The following PTPRT variants were observed in gnomAD, a reference collection of about 807,000 sequenced individuals.
The protein encoded by PTPRT is protein tyrosine phosphatase receptor type T.
In PTPRT, 56 loss-of-function variants were observed where a neutral mutation model predicts 176.8. The ratio of observed to expected loss-of-function variants is 0.32; its 90% CI spans 0.26 to 0.40. PTPRT has a LOEUF of 0.40. PTPRT is among the 10% of genes least tolerant of loss of function. The probability of loss-of-function intolerance (pLI) is 1.00; values close to 1 mark genes in which losing one functional copy is unlikely to be tolerated. For synonymous variants in PTPRT, 783 were observed against 739.0 expected, an observed-to-expected ratio of 1.06 and a Z score of -0.96; for missense variants, 1,540 against 1,908.2, an observed-to-expected ratio of 0.81 and a Z score of 3.60.
intron 1 of PTPRT, among the ~76,000 whole-genome samples, chr20:43,017,374 C>T (rs115087796): frequency 3.7e-4 from 56 of 152,260 alleles, no homozygotes; most frequent in African/African-American, 1.3e-3. Flanking sequence ...TTTACCCTCA[C>T]CCTCCTTCTC....
At chr20:42,527,689 G>A (rs9631147) in intron 7 of PTPRT, among the ~76,000 whole-genome samples, 1,671 of 152,210 alleles carry the variant, frequency 0.011, 27 homozygotes, top group African/African-American at 0.039. Flanking sequence ...GAAAAATGTT[G>A]GAGGCTTTTC....
chr20:42,689,313 G>C (rs1378440601), intron 6 of PTPRT, among the ~76,000 whole-genome samples: 4 of 152,174 alleles, frequency 2.6e-5, no homozygotes, highest in Non-Finnish European at 5.9e-5. Flanking sequence ...GCTGAGGGGG[G>C]TTCAGCTGGA....
In PTPRT at chr20:42,084,863, G is replaced by T. The variant is rs766241484; in HGVS notation, c.3973-18C>A. On this transcript the variant is annotated intron_variant, in intron 28 of 30. Coordinates refer to ENST00000373187, the MANE Select transcript of PTPRT (RefSeq NM_007050.6). The stretch of plus-strand genomic sequence containing the variant: ...TCCTGTGGCTGAGAACAGAGAGGCT[G>T]TTAGGGCTGTTCTGCTGGGGATGCT... The T allele has an allele frequency of 2.4e-5, 34 of 1,391,376 alleles. No individual in the cohort carries two copies. Among genetic ancestry groups the T allele is most frequent in the Non-Finnish European group, 3.2e-5 (34 of 1,055,556 alleles). 86.2% of individuals were successfully genotyped at this position (1,391,376 alleles called of 1,614,324 possible). A position where few individuals can be genotyped will look rare whatever the true frequency, so the allele number is the denominator to read the frequency against.
At position 42,086,753 on chromosome 20, in the gene PTPRT, AATAT is replaced by A. The variant is rs1555858329; in HGVS notation, c.3847-904_3847-901del. Among the ~76,000 whole-genome samples, 3 of 95,542 alleles carry A rather than the reference AATAT, an allele frequency of 3.1e-5. 1 individual carries two copies. Among genetic ancestry groups the A allele is most frequent in the Admixed American group, 3.1e-4 (3 of 9,790 alleles). The allele number at this position is 95,542 out of a possible 152,430, so 62.7% of individuals were successfully genotyped here. A position where few individuals can be genotyped will look rare whatever the true frequency, so the allele number is the denominator to read the frequency against. ...AAAAAAAAAAAAAAAAAAAAAAAAA[AATAT>A]ATATATATATGGGTTTGACCTCAGG... On this transcript the variant is annotated intron_variant, in intron 27 of 30. Coordinates refer to ENST00000373187, the MANE Select transcript of PTPRT (RefSeq NM_007050.6).
intron 7 of PTPRT, among the ~76,000 whole-genome samples, chr20:42,626,844 G>C (rs6016853): frequency 2.0e-5 from 3 of 152,220 alleles, no homozygotes; most frequent in Non-Finnish European, 4.4e-5. Context: ...CAATCTAGCA[G>C]TGAGAGTGAA....
chr20:43,149,302 C>A (rs888249983), intron 1 of PTPRT, among the ~76,000 whole-genome samples: 2 of 152,142 alleles, frequency 1.3e-5, no homozygotes, highest in Admixed American at 6.6e-5. Flanking sequence ...TAAACTTTGT[C>A]ATGAAAATTC....
intron 21 of PTPRT, among the ~76,000 whole-genome samples, chr20:42,115,670 A>C (rs890961001): frequency 5.9e-5 from 9 of 152,178 alleles, no homozygotes; most frequent in Admixed American, 2.0e-4. Flanking sequence ...TGAAGTTCAG[A>C]GGTTTGGTGA....
At chr20:42,938,594 A>T (rs1477675274) in intron 1 of PTPRT, among the ~76,000 whole-genome samples, 1 of 152,186 alleles carries the variant, frequency 6.6e-6, no homozygotes, top group Non-Finnish European at 1.5e-5. Flanking sequence ...CATGTCAGTA[A>T]GAGCCTTTCC....
At chr20:42,298,530 G>A (rs1039000392) in intron 12 of PTPRT, among the ~76,000 whole-genome samples, 6 of 152,142 alleles carry the variant, frequency 3.9e-5, no homozygotes, top group Non-Finnish European at 7.3e-5. Flanking sequence ...AAAAATATAT[G>A]TGCACAAGTT....
chr20:42,563,629 G>C (rs1412791476), intron 7 of PTPRT, among the ~76,000 whole-genome samples: 1 of 152,192 alleles, frequency 6.6e-6, no homozygotes, highest in African/African-American at 2.4e-5. Context: ...ATGAAGTAAA[G>C]TAGGGTACAT....
chr20:42,807,804 A>G (rs1375676191), intron 2 of PTPRT, among the ~76,000 whole-genome samples: 1 of 152,188 alleles, frequency 6.6e-6, no homozygotes. Context: ...TGCCCGCTAA[A>G]CATTCACTGA....
intron 2 of PTPRT, among the ~76,000 whole-genome samples, chr20:42,845,031 T>C (rs1316777061): frequency 2.6e-5 from 4 of 152,104 alleles, no homozygotes; most frequent in African/African-American, 7.2e-5. Context: ...TCAGCTCTCA[T>C]CCCTTGTTAC....
At chr20:42,739,959 G>A (rs572636667) in intron 6 of PTPRT, among the ~76,000 whole-genome samples, 11 of 152,278 alleles carry the variant, frequency 7.2e-5, no homozygotes, top group African/African-American at 2.2e-4. Context: ...TCCTCCTGGA[G>A]GGCCTGGGTT....
intron 13 of PTPRT, among the ~76,000 whole-genome samples, chr20:42,273,325 C>A (rs543389120): frequency 6.6e-6 from 1 of 152,282 alleles, no homozygotes; most frequent in East Asian, 1.9e-4. Flanking sequence ...AAGCGATTCT[C>A]CTGCCTCAAC....
At chr20:42,834,686 C>T (rs1050284552) in intron 2 of PTPRT, among the ~76,000 whole-genome samples, 10 of 152,148 alleles carry the variant, frequency 6.6e-5, no homozygotes, top group South Asian at 6.2e-4. Flanking sequence ...TTTAATTCAC[C>T]GTACCCCACC....
intron 11 of PTPRT, among the ~76,000 whole-genome samples, chr20:42,344,832 C>A (rs536302044): frequency 6.6e-6 from 1 of 152,286 alleles, no homozygotes; most frequent in South Asian, 2.1e-4. Context: ...ATCTCTCTGT[C>A]CCCACGCACT....
intron 24 of PTPRT, among the ~76,000 whole-genome samples, chr20:42,106,488 CAAT>C (rs1986453588): frequency 6.6e-6 from 1 of 152,172 alleles, no homozygotes; most frequent in African/African-American, 2.4e-5. Context: ...AATACTATTC[CAAT>C]AATCCCCGAA....
chr20:42,624,402 A>T (rs2145868321), intron 7 of PTPRT, among the ~76,000 whole-genome samples: 1 of 152,346 alleles, frequency 6.6e-6, no homozygotes, highest in South Asian at 2.1e-4. Context: ...TTCCTTTATC[A>T]GGAACATAAG....
intron 1 of PTPRT, among the ~76,000 whole-genome samples, chr20:43,098,532 A>T (rs761383376): frequency 5.3e-5 from 8 of 151,450 alleles, no homozygotes; most frequent in Admixed American, 2.0e-4. Context: ...TCAAAAGGTG[A>T]CAACTCTTTT....
Sources: gnomAD v4.1 joint callset for allele counts (sites outside exome capture counted in the v4.1 genomes callset) on GRCh38, gnomAD v4.1.1 for gene constraint, MANE v1.5 for transcripts, NCBI Gene and HGNC (gene_info 2026-07-23, HGNC 2026-07-21) for gene names.